Variants in IGF2BP2 observed in about 807,000 individuals in gnomAD.
The protein encoded by IGF2BP2 is insulin-like growth factor 2 mRNA-binding protein 2.
IGF2BP2 carries 17 observed loss-of-function variants against 75.8 expected under a neutral mutation model. That is an observed-to-expected ratio of 0.22 (90% confidence interval 0.15 to 0.34). The LOEUF (loss-of-function observed/expected upper bound fraction) is 0.34, where lower values mean the gene tolerates loss of function less well. IGF2BP2 is among the 10% of genes least tolerant of loss of function. The pLI, the probability that IGF2BP2 is intolerant of heterozygous loss-of-function variation, is 1.00. For missense variants in IGF2BP2, 516 were observed against 772.4 expected (o/e 0.67, Z 3.93); for synonymous variants, 288 against 295.6 (o/e 0.97, Z 0.26).
At chr3:185,650,420 T>C (rs1714397869) in intron 13 of IGF2BP2, among the ~76,000 whole-genome samples, 1 of 152,152 alleles carries the variant, frequency 6.6e-6, no homozygotes, top group African/African-American at 2.4e-5. Flanking sequence ...CTCACACCTC[T>C]AATCCCAGCA....
chr3:185,677,676 T>C (rs775692900), intron 7 of IGF2BP2, among the ~76,000 whole-genome samples: 21 of 152,032 alleles, frequency 1.4e-4, no homozygotes, highest in Non-Finnish European at 2.8e-4. Flanking sequence ...GTAAAGATGC[T>C]CAATGAACTA....
At chr3:185,656,734 C>T (rs958219978) in intron 12 of IGF2BP2, among the ~76,000 whole-genome samples, 2 of 152,234 alleles carry the variant, frequency 1.3e-5, no homozygotes, top group Non-Finnish European at 2.9e-5. Flanking sequence ...AGGATGTGGG[C>T]CTGGAGCTGC....
chr3:185,785,308 A>T (rs1483333590), intron 2 of IGF2BP2, among the ~76,000 whole-genome samples: 1 of 151,842 alleles, frequency 6.6e-6, no homozygotes, highest in Non-Finnish European at 1.5e-5. Flanking sequence ...CTCAAAAAAA[A>T]AAAAAAAGAA....
At chr3:185,748,200 G>A (rs910721371) in intron 2 of IGF2BP2, among the ~76,000 whole-genome samples, 3 of 152,016 alleles carry the variant, frequency 2.0e-5, no homozygotes, top group Admixed American at 6.6e-5. Flanking sequence ...CACCATGCCC[G>A]GCCACCTATC....
intron 12 of IGF2BP2, 35 bp downstream of exon 12, chr3:185,657,251 T>G (rs757213197): frequency 6.8e-7 from 1 of 1,464,392 alleles, no homozygotes; most frequent in Admixed American, 1.7e-5. Flanking sequence ...GAGGAGGTGG[T>G]AGAAGGGCCA....
chr3:185,676,459 C>T (rs534275673), intron 7 of IGF2BP2, among the ~76,000 whole-genome samples: 1 of 152,100 alleles, frequency 6.6e-6, no homozygotes, highest in Non-Finnish European at 1.5e-5. Context: ...GGGCAATCGC[C>T]TAAGCCCGAG....
intron 2 of IGF2BP2, among the ~76,000 whole-genome samples, chr3:185,764,337 C>A (rs1454265749): frequency 6.6e-6 from 1 of 152,070 alleles, no homozygotes; most frequent in Non-Finnish European, 1.5e-5. Flanking sequence ...CTTTAGGAGG[C>A]TGGGTTATGA....
At chr3:185,678,188 T>C (rs574473097) in intron 7 of IGF2BP2, among the ~76,000 whole-genome samples, 104 of 152,172 alleles carry the variant, frequency 6.8e-4, no homozygotes, top group African/African-American at 2.4e-3. Context: ...AAAGATAGAG[T>C]ATCTTCAAAG....
intron 2 of IGF2BP2, among the ~76,000 whole-genome samples, chr3:185,755,806 A>G (rs1262659500): frequency 3.9e-5 from 6 of 152,234 alleles, no homozygotes; most frequent in Non-Finnish European, 8.8e-5. Context: ...CCACCATTGT[A>G]CCTTGGAAGT....
chr3:185,740,644 T>C (rs1729422829), intron 2 of IGF2BP2, among the ~76,000 whole-genome samples: 1 of 152,234 alleles, frequency 6.6e-6, no homozygotes, highest in Non-Finnish European at 1.5e-5. Flanking sequence ...GAGTAATCCT[T>C]TGAGCTACTC....
At chr3:185,782,571 A>G (rs1735351124) in intron 2 of IGF2BP2, among the ~76,000 whole-genome samples, 3 of 152,122 alleles carry the variant, frequency 2.0e-5, no homozygotes, top group Non-Finnish European at 4.4e-5. Flanking sequence ...ACCCTTTGAA[A>G]AGGGCTTTCC....
intron 9 of IGF2BP2, 161 bp downstream of exon 9, chr3:185,675,135 A>G: frequency 1.7e-6 from 1 of 605,074 alleles, no homozygotes; most frequent in Non-Finnish European, 2.8e-6. Context: ...CAGCGCACTT[A>G]TCATAATTTA....
intron 2 of IGF2BP2, among the ~76,000 whole-genome samples, chr3:185,805,869 C>T (rs1278438585): frequency 6.7e-6 from 1 of 150,168 alleles, no homozygotes; most frequent in African/African-American, 2.5e-5. Flanking sequence ...CCTCCTGGTT[C>T]AACTGATTCT....
chr3:185,726,490 C>T (rs1727348250), intron 2 of IGF2BP2, among the ~76,000 whole-genome samples: 1 of 152,306 alleles, frequency 6.6e-6, no homozygotes, highest in South Asian at 2.1e-4. Flanking sequence ...AAAGTGGGCA[C>T]AGGAACACCT....
chr3:185,700,849 T>C (rs1723196611), intron 2 of IGF2BP2, among the ~76,000 whole-genome samples: 1 of 152,126 alleles, frequency 6.6e-6, no homozygotes. Flanking sequence ...TACAGCTGAA[T>C]ATAGAATATT....
chr3:185,687,250 CA>C lies in IGF2BP2; in HGVS notation c.678-60del. ...GGTCATCTGGATAGGACCCTAGCCC[CA>C]AGAAAGCGTCACACCAACCCATGTA... On this transcript the variant is annotated intron_variant, in intron 6 of 15. Coordinates refer to ENST00000382199, the MANE Select transcript of IGF2BP2 (RefSeq NM_006548.6). 2.0e-6 allele frequency: 3 copies of C among 1,527,172 alleles called. No individual in the cohort carries two copies. The East Asian group carries it at 6.8e-5, about 35-fold the overall frequency. The allele number at this position is 1,527,172 out of a possible 1,614,324, so 94.6% of individuals were successfully genotyped here. A position where few individuals can be genotyped will look rare whatever the true frequency, so the allele number is the denominator to read the frequency against.
At chr3:185,658,462 G>A (rs1251185179) in intron 10 of IGF2BP2, 53 bp from the exon 11 acceptor site, 19 of 1,508,148 alleles carry the variant, frequency 1.3e-5, no homozygotes, top group Non-Finnish European at 1.6e-5. Context: ...GACTGTCACT[G>A]GCCTCAGGGA....
At chr3:185,749,626 T>C (rs765223418) in intron 2 of IGF2BP2, among the ~76,000 whole-genome samples, 14 of 152,238 alleles carry the variant, frequency 9.2e-5, no homozygotes, top group Non-Finnish European at 1.6e-4. Context: ...GCAGCACTAA[T>C]ATAAGCTTCT....
chr3:185,820,987 G>A (rs1482863891), intron 2 of IGF2BP2: 1 of 1,534,112 alleles, frequency 6.5e-7, no homozygotes, highest in East Asian at 2.4e-5. Flanking sequence ...TAACATAAAA[G>A]CTTTGGTTTC....
Sources: gnomAD v4.1 joint callset for allele counts (sites outside exome capture counted in the v4.1 genomes callset) on GRCh38, gnomAD v4.1.1 for gene constraint, MANE v1.5 for transcripts, NCBI Gene and HGNC (gene_info 2026-07-23, HGNC 2026-07-21) for gene names.